The following SASH1 variants were observed in gnomAD, a reference collection of about 807,000 sequenced individuals.
SASH1 encodes the protein SAM and SH3 domain-containing protein 1.
A neutral mutation model predicts 125.2 loss-of-function variants in SASH1; 44 were observed. The ratio of observed to expected loss-of-function variants is 0.35; its 90% CI spans 0.28 to 0.45. SASH1 has a LOEUF of 0.45. Ranked by LOEUF, SASH1 falls within the 20% of genes least tolerant of loss-of-function variation. The probability of loss-of-function intolerance (pLI) is 1.00; values close to 1 mark genes in which losing one functional copy is unlikely to be tolerated. For missense variants in SASH1, 1,426 were observed against 1,614.5 expected (o/e 0.88, Z 2.00); for synonymous variants, 639 against 649.1 (o/e 0.98, Z 0.24).
chr6:148,301,106 A>G (rs1226143374), intron 1 of SASH1, among the ~76,000 whole-genome samples: 1 of 151,770 alleles, frequency 6.6e-6, no homozygotes, highest in African/African-American at 2.4e-5. Flanking sequence ...GCCAGCAGAT[A>G]AACTGCAGTC....
chr6:148,526,741 T>C (rs1644073792), intron 11 of SASH1, among the ~76,000 whole-genome samples: 1 of 152,234 alleles, frequency 6.6e-6, no homozygotes, highest in Non-Finnish European at 1.5e-5. Context: ...TCCAATCAGA[T>C]GTTGCTCTTC....
chr6:148,218,238 A>T, the SASH1 span, among the ~76,000 whole-genome samples: 64 of 152,060 alleles, frequency 4.2e-4, no homozygotes, highest in Non-Finnish European at 7.4e-4. Context: ...AAAAAAAAAT[A>T]AAAAAACTTA....
At chr6:148,242,583 A>C in the SASH1 span, among the ~76,000 whole-genome samples, 143 of 152,336 alleles carry the variant, frequency 9.4e-4, no homozygotes, top group Non-Finnish European at 1.4e-3. Context: ...AATGTTTATC[A>C]CAGCTTTCAA....
At chr6:148,235,794 G>A in the SASH1 span, among the ~76,000 whole-genome samples, 1 of 152,060 alleles carries the variant, frequency 6.6e-6, no homozygotes, top group South Asian at 2.1e-4. Context: ...CTTCCACAAT[G>A]GCCTTAAATT....
intron 1 of SASH1, chr6:148,380,073 C>T (rs1036557902): frequency 2.8e-5 from 12 of 435,830 alleles, no homozygotes; most frequent in Non-Finnish European, 5.6e-5. Context: ...TTGCTTCAAC[C>T]TTAGCTGTAT....
At chr6:148,291,343 A>G (rs191438309) in intron 1 of SASH1, among the ~76,000 whole-genome samples, 5 of 152,302 alleles carry the variant, frequency 3.3e-5, no homozygotes, top group Admixed American at 2.6e-4. Flanking sequence ...AATATGTTCA[A>G]TTATTATGTG....
At chr6:148,248,484 C>G in the SASH1 span, among the ~76,000 whole-genome samples, 1 of 152,174 alleles carries the variant, frequency 6.6e-6, no homozygotes, top group Admixed American at 6.5e-5. Context: ...GGGTACAAGT[C>G]CTCAAAATCT....
the SASH1 span, among the ~76,000 whole-genome samples, chr6:148,262,134 G>A: frequency 5.9e-5 from 9 of 151,890 alleles, no homozygotes; most frequent in African/African-American, 2.2e-4. Flanking sequence ...GGGCTTGCAC[G>A]CATTTCCCAG....
At chr6:148,408,952 C>G (rs943684124) in intron 2 of SASH1, among the ~76,000 whole-genome samples, 1 of 152,210 alleles carries the variant, frequency 6.6e-6, no homozygotes, top group Admixed American at 6.5e-5. Flanking sequence ...CTCCCTCCCA[C>G]CACCTTTTTT....
At chr6:148,244,936 G>GTGTGTGTGTGTGTGTGTGTTTA in the SASH1 span, among the ~76,000 whole-genome samples, 2 of 114,936 alleles carry the variant, frequency 1.7e-5, no homozygotes, top group African/African-American at 5.9e-5. Context: ...GTGTGTATGT[G>GTGTGTGTGTGTGTGTGTGTTTA]TGTGTGTGTG....
chr6:148,352,639 A>G (rs1313764342), intron 1 of SASH1, among the ~76,000 whole-genome samples: 1 of 142,632 alleles, frequency 7.0e-6, no homozygotes, highest in Non-Finnish European at 1.6e-5. Flanking sequence ...ATAAATAAAT[A>G]AATAGAACTG....
chr6:148,277,605 A>G (rs1779221718), intron 1 of SASH1, among the ~76,000 whole-genome samples: 2 of 152,254 alleles, frequency 1.3e-5, no homozygotes, highest in Admixed American at 6.5e-5. Context: ...TGCAGACATT[A>G]TTATGTTGAC....
intron 1 of SASH1, among the ~76,000 whole-genome samples, chr6:148,317,365 A>G (rs1439117044): frequency 6.6e-6 from 1 of 152,198 alleles, no homozygotes; most frequent in East Asian, 1.9e-4. Context: ...GGATCAAAAG[A>G]AGTGGTTCCT....
the SASH1 span, among the ~76,000 whole-genome samples, chr6:148,241,782 C>T: frequency 5.3e-5 from 8 of 152,184 alleles, no homozygotes; most frequent in Non-Finnish European, 1.0e-4. Flanking sequence ...CTCCTTCACG[C>T]TTCAACCTTC....
chr6:148,522,337 TAGAA>T (rs370995040), intron 10 of SASH1, among the ~76,000 whole-genome samples: 132 of 152,334 alleles, frequency 8.7e-4, no homozygotes, highest in African/African-American at 3.0e-3. Context: ...CATCTTACAA[TAGAA>T]AGAACTTTTT....
chr6:148,364,290 G>C (rs1051258931), intron 1 of SASH1, among the ~76,000 whole-genome samples: 1 of 152,146 alleles, frequency 6.6e-6, no homozygotes, highest in Non-Finnish European at 1.5e-5. Context: ...GAAGGAAGAT[G>C]ATTCATGGTC....
At chr6:148,304,263 C>A (rs1161556337) in intron 1 of SASH1, among the ~76,000 whole-genome samples, 5 of 152,000 alleles carry the variant, frequency 3.3e-5, no homozygotes, top group African/African-American at 7.2e-5. Context: ...ATGGTGAAAC[C>A]CTGTCTCTAC....
intron 1 of SASH1, among the ~76,000 whole-genome samples, chr6:148,347,272 C>G (rs577236419): frequency 6.6e-6 from 1 of 152,256 alleles, no homozygotes; most frequent in African/African-American, 2.4e-5. Flanking sequence ...CAGGATCCTG[C>G]AAGATGCACC....
intron 4 of SASH1, among the ~76,000 whole-genome samples, chr6:148,443,023 G>T (rs908824659): frequency 2.0e-5 from 3 of 151,560 alleles, no homozygotes; most frequent in Admixed American, 6.6e-5. Flanking sequence ...TGATCTGCCC[G>T]CCTCAGCCTC....
Sources: allele counts gnomAD v4.1 joint callset (sites outside exome capture counted in the v4.1 genomes callset), GRCh38; gene constraint gnomAD v4.1.1; transcripts MANE v1.5; gene names NCBI Gene and HGNC (gene_info 2026-07-23, HGNC 2026-07-21).